The following PPP2R2B variants were observed in gnomAD, a reference collection of about 807,000 sequenced individuals.
PPP2R2B encodes the protein protein phosphatase 2 regulatory subunit Bbeta.
A neutral mutation model predicts 46.0 loss-of-function variants in PPP2R2B; 5 were observed. The observed-to-expected ratio is 0.11, with a 90% confidence interval of 0.06 to 0.23. The LOEUF (loss-of-function observed/expected upper bound fraction) is 0.23. Ranked by LOEUF, PPP2R2B falls within the 10% of genes least tolerant of loss-of-function variation. PPP2R2B has a pLI of 1.00. For missense variants in PPP2R2B, 367 were observed against 575.0 expected, an observed-to-expected ratio of 0.64 and a Z score of 3.70; for synonymous variants, 215 against 206.7, an observed-to-expected ratio of 1.04 and a Z score of -0.34.
chr5:146,627,753 T>C (rs1044424369), intron 7 of PPP2R2B, among the ~76,000 whole-genome samples: 1 of 152,138 alleles, frequency 6.6e-6, no homozygotes, highest in Non-Finnish European at 1.5e-5. Flanking sequence ...AATACCAATC[T>C]TCATGGGTTG....
intron 1 of PPP2R2B, among the ~76,000 whole-genome samples, chr5:147,034,875 G>A (rs1181196895): frequency 6.6e-6 from 1 of 151,766 alleles, no homozygotes; most frequent in Non-Finnish European, 1.5e-5. Context: ...TAGGAACCAG[G>A]TAATGATAAG....
At chr5:146,939,742 T>C (rs1175309928) in intron 1 of PPP2R2B, among the ~76,000 whole-genome samples, 2 of 152,202 alleles carry the variant, frequency 1.3e-5, no homozygotes, top group African/African-American at 2.4e-5. Context: ...TATCCCCAAA[T>C]TAGTGAGTTG....
At chr5:146,603,545 T>A (rs78031234) in intron 7 of PPP2R2B, among the ~76,000 whole-genome samples, 11,684 of 152,230 alleles carry the variant, frequency 0.077, 483 homozygotes, top group African/African-American at 0.11. Context: ...GTGCCGGCTT[T>A]AGGTAGCACA....
rs1030816911 is a variant in PPP2R2B, at chr5:146,581,176, T to C, written c.*8771A>G. On this transcript the variant is annotated 3_prime_UTR_variant, in exon 10 of 10. Transcript: ENST00000394411. ...GGAATGAGGTTTAATTGGCTCATGG[T>C]TCCACAGGCTGTACAGGAAGCATGG... is the stretch of plus-strand genomic sequence containing the variant. 6 of 152,170 alleles carry C rather than the reference T, an allele frequency of 3.9e-5. No individual in the cohort carries two copies. The highest frequency in any genetic ancestry group is 8.8e-5 in the Non-Finnish European group (6 of 68,032). The allele number at this position is 152,170 out of a possible 1,614,324, so 9.4% of individuals were successfully genotyped here. A position where few individuals can be genotyped will look rare whatever the true frequency, so the allele number is the denominator to read the frequency against.
At chr5:146,633,153 C>T (rs895679070) in intron 7 of PPP2R2B, among the ~76,000 whole-genome samples, 12 of 152,084 alleles carry the variant, frequency 7.9e-5, no homozygotes, top group Admixed American at 2.0e-4. Context: ...AAAAAATAGG[C>T]GAGGGAGAAA....
chr5:146,878,344 C>A lies in PPP2R2B; in HGVS notation c.-124-149G>T, dbSNP rs1762025085. The A allele has an allele frequency of 4.2e-6, 6 of 1,437,654 alleles. No individual in the cohort carries two copies. In the East Asian group the frequency reaches 1.2e-4, roughly 30 times the overall value. The allele number at this position is 1,437,654 out of a possible 1,614,324, so 89.1% of individuals were successfully genotyped here. ...TCCAGTTCCCAGCGAGGATGCTGCG[C>A]CTGCCTCCGCTGCCTCCGGGTGCCA... On this transcript the variant is annotated intron_variant, in intron 1 of 9. Transcript: ENST00000394411. The surrounding 1 kb of genome is among the most constrained non-coding windows in gnomAD (Gnocchi z 4.5).
At chr5:146,633,387 G>A (rs1176066904) in intron 7 of PPP2R2B, among the ~76,000 whole-genome samples, 1 of 152,188 alleles carries the variant, frequency 6.6e-6, no homozygotes, top group Non-Finnish European at 1.5e-5. Context: ...GCTGAACTGC[G>A]GTTGACTGCA....
chr5:147,050,398 AAG>A (rs1756751338), intron 1 of PPP2R2B, among the ~76,000 whole-genome samples: 1 of 152,128 alleles, frequency 6.6e-6, no homozygotes, highest in South Asian at 2.1e-4. Context: ...GTGGGCTGTG[AAG>A]AGTGGGTTGG....
chr5:146,874,915 C>T (rs1211312946), intron 2 of PPP2R2B, among the ~76,000 whole-genome samples: 1 of 152,180 alleles, frequency 6.6e-6, no homozygotes, highest in East Asian at 1.9e-4. Context: ...CCCATACACA[C>T]ACTTCAAATT....
intron 2 of PPP2R2B, among the ~76,000 whole-genome samples, chr5:146,724,490 CA>C (rs748969060): frequency 1.3e-5 from 2 of 152,124 alleles, no homozygotes; most frequent in African/African-American, 2.4e-5. Flanking sequence ...ACACTGAACA[CA>C]TGGTAGCTAT....
intron 1 of PPP2R2B, among the ~76,000 whole-genome samples, chr5:147,031,777 C>T (rs1755797488): frequency 6.6e-6 from 1 of 151,978 alleles, no homozygotes; most frequent in Admixed American, 6.5e-5. Context: ...ACAAAGCAAA[C>T]AAAAACATAA....
chr5:146,602,398 G>A (rs1301837473), intron 7 of PPP2R2B, among the ~76,000 whole-genome samples: 5 of 152,178 alleles, frequency 3.3e-5, no homozygotes, highest in African/African-American at 1.2e-4. Flanking sequence ...CCTTCTGGGT[G>A]CTTAGCATGT....
rs963188358 is a variant in PPP2R2B at position 146,627,081 on chromosome 5, G to T, written c.790+11170C>A. On this transcript the variant is annotated intron_variant, in intron 7 of 9. Transcript: ENST00000394411. ...AGCTTCAGACATGGGGGTGAGGTGG[G>T]GGTGGTGGTGGTATCAGTGAATTCT... Among the ~76,000 whole-genome samples the T allele has an allele frequency of 2.4e-4, 37 of 152,192 alleles. 1 individual carries two copies. In the East Asian group the frequency reaches 3.3e-3, roughly 14 times the overall value.
intron 2 of PPP2R2B, among the ~76,000 whole-genome samples, chr5:147,070,619 G>A (rs989053973): frequency 3.3e-5 from 5 of 152,186 alleles, no homozygotes; most frequent in Non-Finnish European, 7.4e-5. Flanking sequence ...GTCTGGATTT[G>A]CCTGAGCCAA....
chr5:147,002,759 A>G (rs1237017278), intron 1 of PPP2R2B, among the ~76,000 whole-genome samples: 1 of 148,452 alleles, frequency 6.7e-6, no homozygotes, highest in Non-Finnish European at 1.5e-5. Flanking sequence ...CGGGCAAGAG[A>G]TGTTTCTGCT....
chr5:146,966,761 T>G (rs967930137), intron 1 of PPP2R2B, among the ~76,000 whole-genome samples: 1 of 152,078 alleles, frequency 6.6e-6, no homozygotes, highest in Non-Finnish European at 1.5e-5. Context: ...AAAAAATCAA[T>G]GACAATGCCA....
chr5:147,061,092 A>C (rs937118270), intron 2 of PPP2R2B, among the ~76,000 whole-genome samples: 3 of 152,190 alleles, frequency 2.0e-5, no homozygotes, highest in Admixed American at 2.0e-4. Flanking sequence ...CATTCATACA[A>C]TATAATCTTT....
intron 1 of PPP2R2B, among the ~76,000 whole-genome samples, chr5:146,920,016 T>TTA (rs1763539178): frequency 1.3e-5 from 2 of 152,130 alleles, no homozygotes; most frequent in Non-Finnish European, 2.9e-5. Flanking sequence ...AAAAATGGGC[T>TTA]TACAAATATA....
At chr5:146,800,762 A>G (rs1055110566) in intron 2 of PPP2R2B, among the ~76,000 whole-genome samples, 2 of 151,890 alleles carry the variant, frequency 1.3e-5, no homozygotes, top group Admixed American at 6.6e-5. Flanking sequence ...GGGGTTCAAA[A>G]TAGGGGGGCT....
Sources: allele counts gnomAD v4.1 joint callset (sites outside exome capture counted in the v4.1 genomes callset), GRCh38; gene constraint gnomAD v4.1.1; non-coding constraint Gnocchi (gnomAD v3.1); transcripts MANE v1.5; gene names NCBI Gene and HGNC (gene_info 2026-07-23, HGNC 2026-07-21).